Variants in PTPRM observed in about 807,000 individuals in gnomAD.
The protein encoded by PTPRM is protein tyrosine phosphatase receptor type M, also known as receptor-type tyrosine-protein phosphatase mu.
In PTPRM, 47 loss-of-function variants were observed where a neutral mutation model predicts 186.7. The observed-to-expected ratio is 0.25, with a 90% CI of 0.20 to 0.32. The LOEUF (loss-of-function observed/expected upper bound fraction) is 0.32, where lower values mean the gene tolerates loss of function less well. Ranked by LOEUF, PTPRM falls within the 10% of genes least tolerant of loss-of-function variation. The probability of loss-of-function intolerance (pLI) is 1.00; values close to 1 mark genes in which losing one functional copy is unlikely to be tolerated. For missense variants in PTPRM, 1,494 were observed against 1,865.0 expected, an observed-to-expected ratio of 0.80 and a Z score of 3.66; for synonymous variants, 668 against 674.9, an observed-to-expected ratio of 0.99 and a Z score of 0.16.
intron 32 of PTPRM, among the ~76,000 whole-genome samples, chr18:8,405,540 G>A (rs1358018757): frequency 6.6e-6 from 1 of 152,196 alleles, no homozygotes; most frequent in African/African-American, 2.4e-5. Context: ...CACCTCATGT[G>A]TTGTCATTGG....
intron 14 of PTPRM, among the ~76,000 whole-genome samples, chr18:8,194,906 G>A (rs1046622116): frequency 3.9e-5 from 6 of 152,062 alleles, no homozygotes; most frequent in African/African-American, 1.4e-4. Context: ...TTTTATTCTT[G>A]TAAGGATTGG....
intron 14 of PTPRM, among the ~76,000 whole-genome samples, chr18:8,241,173 CA>C (rs2094431331): frequency 2.6e-5 from 4 of 151,934 alleles, no homozygotes; most frequent in Non-Finnish European, 4.4e-5. Flanking sequence ...ACTAAAAATA[CA>C]AAAATACAAA....
rs543837963 is a variant in PTPRM at position 8,347,608 on chromosome 18, C to T, written c.3054+4088C>T. ...GGTCGCTGTTCCTTCCATCAGGCAC[C>T]TGGACCCGTCACATCCAGGGTAGTC... On this transcript the variant is annotated intron_variant, in intron 23 of 32. Transcript: ENST00000580170. 3.9e-5 allele frequency among the ~76,000 whole-genome samples: 6 copies of T among 152,170 alleles called. No homozygotes were observed. In the South Asian group the frequency reaches 1.2e-3, roughly 32 times the overall value.
chr18:8,069,690 C>T lies in PTPRM; in HGVS notation c.1137C>T (p.Pro379=), dbSNP rs1453857826. Residue 379 remains proline (P), a synonymous_variant, in exon 8 of 33, where the codon CCC becomes CCT. Transcript: ENST00000580170. The part of the protein sequence containing the change: ...ALRTRTKCAD[P]MRGPRKLEVV... ...TTTGTCTTCTTTTCTAAATAGATCC[C>T]ATGCGAGGCCCAAGAAAACTAGAAG... The T allele has an allele frequency of 8.1e-6, 13 of 1,609,740 alleles. No homozygotes were observed. The Admixed American group carries it at 2.2e-4, about 27-fold the overall frequency.
intron 31 of PTPRM, among the ~76,000 whole-genome samples, chr18:8,391,391 A>G (rs2095811653): frequency 6.6e-6 from 1 of 152,260 alleles, no homozygotes; most frequent in South Asian, 2.1e-4. Flanking sequence ...GTATTCATTC[A>G]GTGGAATTCT....
At chr18:8,354,090 G>A (rs1428257305) in intron 23 of PTPRM, among the ~76,000 whole-genome samples, 1 of 152,048 alleles carries the variant, frequency 6.6e-6, no homozygotes, top group Non-Finnish European at 1.5e-5. Flanking sequence ...GCGGGTGCCT[G>A]TAATCCCAGC....
intron 19 of PTPRM, among the ~76,000 whole-genome samples, chr18:8,269,084 C>T (rs1286478223): frequency 6.6e-6 from 1 of 151,858 alleles, no homozygotes; most frequent in Non-Finnish European, 1.5e-5. Context: ...AAGAACAAGA[C>T]ATTAAAGGCA....
intron 7 of PTPRM, among the ~76,000 whole-genome samples, chr18:7,961,102 A>C (rs1039098993): frequency 9.2e-5 from 14 of 152,192 alleles, no homozygotes; most frequent in African/African-American, 3.4e-4. Context: ...TGGGGTATCC[A>C]TCACCTGAAG....
intron 14 of PTPRM, among the ~76,000 whole-genome samples, chr18:8,201,680 C>G (rs919070578): frequency 2.6e-5 from 4 of 152,130 alleles, no homozygotes; most frequent in Non-Finnish European, 5.9e-5. Flanking sequence ...TTGCTGTGCC[C>G]TCTCGTAGAA....
intron 3 of PTPRM, among the ~76,000 whole-genome samples, chr18:7,893,377 T>TA (rs1303959641): frequency 6.6e-6 from 1 of 152,222 alleles, no homozygotes; most frequent in African/African-American, 2.4e-5. Context: ...TTTTGAATCT[T>TA]AGATTTATCA....
chr18:7,874,452 A>G (rs1258811795), intron 2 of PTPRM, among the ~76,000 whole-genome samples: 1 of 152,080 alleles, frequency 6.6e-6, no homozygotes, highest in Non-Finnish European at 1.5e-5. Context: ...ATATACAGTT[A>G]TTTCCCTGGA....
chr18:7,723,743 C>T (rs775671754), intron 1 of PTPRM, among the ~76,000 whole-genome samples: 1 of 152,190 alleles, frequency 6.6e-6, no homozygotes, highest in Non-Finnish European at 1.5e-5. Flanking sequence ...CCACTTCCAG[C>T]GTTTCCCTTC....
At chr18:8,391,341 G>A (rs1351481551) in intron 31 of PTPRM, among the ~76,000 whole-genome samples, 3 of 152,212 alleles carry the variant, frequency 2.0e-5, no homozygotes, top group African/African-American at 7.2e-5. Flanking sequence ...ACTGGAAACA[G>A]CCCAAACATT....
At chr18:8,090,999 G>T (rs1031005318) in intron 11 of PTPRM, among the ~76,000 whole-genome samples, 2 of 152,090 alleles carry the variant, frequency 1.3e-5, no homozygotes, top group Non-Finnish European at 2.9e-5. Context: ...CCAAACTACT[G>T]TTCCTATTTC....
intron 3 of PTPRM, among the ~76,000 whole-genome samples, chr18:7,902,080 C>T (rs945862312): frequency 2.0e-5 from 3 of 152,160 alleles, no homozygotes; most frequent in African/African-American, 7.2e-5. Context: ...CACACATAAA[C>T]GTATCAACAA....
At chr18:7,791,146 CA>C (rs1327441771) in intron 2 of PTPRM, among the ~76,000 whole-genome samples, 1 of 152,230 alleles carries the variant, frequency 6.6e-6, no homozygotes, top group African/African-American at 2.4e-5. Context: ...ATTATAAGAG[CA>C]AATGACATGG....
chr18:7,698,912 A>G (rs1229205137), intron 1 of PTPRM, among the ~76,000 whole-genome samples: 1 of 152,134 alleles, frequency 6.6e-6, no homozygotes, highest in Non-Finnish European at 1.5e-5. Flanking sequence ...TATTTTTTGC[A>G]TATTTTCATT....
At chr18:8,360,414 A>T (rs1276614666) in intron 23 of PTPRM, among the ~76,000 whole-genome samples, 1 of 151,956 alleles carries the variant, frequency 6.6e-6, no homozygotes. Flanking sequence ...AACCCTTCAT[A>T]CCCGACAAGA....
intron 1 of PTPRM, among the ~76,000 whole-genome samples, chr18:7,685,546 A>G (rs975812076): frequency 2.0e-5 from 3 of 152,228 alleles, no homozygotes; most frequent in African/African-American, 7.2e-5. Context: ...GAAGGAGTCT[A>G]TGGAACTGGG....
Sources: gnomAD v4.1 joint callset for allele counts (sites outside exome capture counted in the v4.1 genomes callset) on GRCh38, gnomAD v4.1.1 for gene constraint, MANE v1.5 for transcripts, NCBI Gene and HGNC (gene_info 2026-07-23, HGNC 2026-07-21) for gene names.